The following SMAP1 variants were observed in gnomAD, a reference collection of about 807,000 sequenced individuals.
SMAP1 encodes small ArfGAP 1, also known as stromal membrane-associated protein 1.
A neutral mutation model predicts 58.5 loss-of-function variants in SMAP1; 24 were observed. That is an observed-to-expected ratio of 0.41 (90% CI 0.30 to 0.58). The LOEUF is 0.58. Ranked by LOEUF, SMAP1 falls within the 20% of genes least tolerant of loss-of-function variation. SMAP1 has a pLI of 0.29. For synonymous variants in SMAP1, 216 were observed against 196.6 expected (o/e 1.10, Z -0.82); for missense variants, 563 against 566.3 (o/e 0.99, Z 0.06).
intron 1 of SMAP1, among the ~76,000 whole-genome samples, chr6:70,729,483 G>A (rs1009763003): frequency 6.6e-6 from 1 of 150,824 alleles, no homozygotes; most frequent in African/African-American, 2.4e-5. Context: ...GTGTGTGTGT[G>A]TGTGTGTGTG....
chr6:70,830,897 T>A (rs1770331166), intron 6 of SMAP1, among the ~76,000 whole-genome samples: 1 of 152,250 alleles, frequency 6.6e-6, no homozygotes, highest in African/African-American at 2.4e-5. Context: ...ACAGGATTTT[T>A]AGCATGTACA....
At chr6:70,808,046 T>C (rs1769213251) in intron 6 of SMAP1, among the ~76,000 whole-genome samples, 1 of 152,122 alleles carries the variant, frequency 6.6e-6, no homozygotes, top group Admixed American at 6.6e-5. Context: ...ATATATTTAC[T>C]ATTCATTAAG....
chr6:70,800,109 C>T (rs367584440), intron 6 of SMAP1, among the ~76,000 whole-genome samples: 6 of 151,904 alleles, frequency 3.9e-5, no homozygotes, highest in South Asian at 2.1e-4. Flanking sequence ...AAATAAGGCA[C>T]GTGTTTTTTA....
In SMAP1 at chr6:70,717,366, A is replaced by G. The variant is rs557823934; in HGVS notation, c.119-15012A>G. ...CCAAGACACTCTTGCTCTTAGGGCT[A>G]GGTGATTTAGGAGCCAAATCCTCTA... is the stretch of plus-strand genomic sequence containing the variant. On this transcript the variant is annotated intron_variant, in intron 1 of 10. Coordinates refer to ENST00000370455, the MANE Select transcript of SMAP1 (RefSeq NM_001044305.3). 3.3e-5 allele frequency among the ~76,000 whole-genome samples: 5 copies of G among 152,334 alleles called. No homozygotes were observed. In the South Asian group the frequency reaches 1.0e-3, roughly 32 times the overall value.
intron 6 of SMAP1, among the ~76,000 whole-genome samples, chr6:70,817,464 A>G (rs751284306): frequency 2.0e-5 from 3 of 151,684 alleles, no homozygotes; most frequent in Non-Finnish European, 2.9e-5. Flanking sequence ...CTTTTCTGCA[A>G]GCTCTTATCC....
At chr6:70,689,974 C>A (rs1252145685) in intron 1 of SMAP1, among the ~76,000 whole-genome samples, 1 of 152,118 alleles carries the variant, frequency 6.6e-6, no homozygotes, top group African/African-American at 2.4e-5. Flanking sequence ...ATTAGGTCTC[C>A]TACCTAGACA....
At chr6:70,810,198 TTTC>T (rs1245834487) in intron 6 of SMAP1, among the ~76,000 whole-genome samples, 1 of 152,148 alleles carries the variant, frequency 6.6e-6, no homozygotes. Flanking sequence ...AGATAGGGTC[TTTC>T]TGTGGGGCTC....
At chr6:70,767,135 T>C (rs1767026149) in intron 3 of SMAP1, among the ~76,000 whole-genome samples, 1 of 152,108 alleles carries the variant, frequency 6.6e-6, no homozygotes, top group East Asian at 1.9e-4. Flanking sequence ...TACCATGCTG[T>C]TTTGGTTACT....
chr6:70,836,859 A>G, intron 6 of SMAP1, 82 bp from the exon 7 acceptor site: 2 of 1,120,342 alleles, frequency 1.8e-6, no homozygotes, highest in South Asian at 1.8e-5. Flanking sequence ...TAACTTTATC[A>G]GAACCCTGTA....
intron 1 of SMAP1, among the ~76,000 whole-genome samples, chr6:70,701,220 A>G (rs759465742): frequency 1.3e-5 from 2 of 152,192 alleles, no homozygotes; most frequent in East Asian, 1.9e-4. Flanking sequence ...AGCTGGGACT[A>G]TAGGCACACA....
intron 1 of SMAP1, among the ~76,000 whole-genome samples, chr6:70,711,802 C>T (rs531163677): frequency 9.2e-5 from 14 of 151,896 alleles, no homozygotes; most frequent in African/African-American, 1.9e-4. Flanking sequence ...TGCTGGGACC[C>T]GCACCTGGCC....
Position 70,860,657 on chromosome 6 carries a change from G to GTAGT in SMAP1, c.*326_*329dup, listed in dbSNP as rs1329310499. 9.6e-6 allele frequency: 4 copies of GTAGT among 418,440 alleles called. No individual in the cohort carries two copies. In the East Asian group the frequency reaches 1.4e-4, roughly 14 times the overall value. 25.9% of individuals were successfully genotyped at this position (418,440 alleles called of 1,614,324 possible). On this transcript the variant is annotated 3_prime_UTR_variant, in exon 11 of 11. Coordinates refer to ENST00000370455, the MANE Select transcript of SMAP1 (RefSeq NM_001044305.3). ...GCTCTAATGTTTGCATATAAGGGAA[G>GTAGT]TAGTTATCATGTTAGTAATACCTCT...
intron 2 of SMAP1, among the ~76,000 whole-genome samples, chr6:70,754,770 C>T (rs950236229): frequency 2.0e-5 from 3 of 151,926 alleles, no homozygotes; most frequent in Admixed American, 1.3e-4. Flanking sequence ...GATCAACATA[C>T]GTTGATAAAT....
intron 6 of SMAP1, among the ~76,000 whole-genome samples, chr6:70,802,561 A>G (rs2149957909): frequency 6.6e-6 from 1 of 152,298 alleles, no homozygotes; most frequent in South Asian, 2.1e-4. Context: ...GAGTGGTGAG[A>G]GAGGGCATCC....
At chr6:70,789,841 A>C (rs1204851682) in intron 4 of SMAP1, among the ~76,000 whole-genome samples, 1 of 151,778 alleles carries the variant, frequency 6.6e-6, no homozygotes, top group East Asian at 1.9e-4. Flanking sequence ...CCTGGGTGAC[A>C]GAGTGAGACC....
chr6:70,833,122 A>C (rs988536256), intron 6 of SMAP1, among the ~76,000 whole-genome samples: 2 of 152,206 alleles, frequency 1.3e-5, no homozygotes, highest in Admixed American at 6.5e-5. Context: ...TAAAAGATTA[A>C]GTATTTGTTA....
intron 1 of SMAP1, among the ~76,000 whole-genome samples, chr6:70,706,230 G>A (rs940749030): frequency 2.6e-5 from 4 of 151,942 alleles, no homozygotes; most frequent in African/African-American, 9.7e-5. Flanking sequence ...TTATTATTGG[G>A]GTTTATTGCT....
chr6:70,842,657 A>G (rs190372899), intron 7 of SMAP1, among the ~76,000 whole-genome samples: 2 of 152,332 alleles, frequency 1.3e-5, no homozygotes, highest in East Asian at 3.9e-4. Context: ...TGGCTTAAAC[A>G]TAAGGACATC....
intron 6 of SMAP1, among the ~76,000 whole-genome samples, chr6:70,827,122 G>T (rs1429206190): frequency 2.0e-5 from 3 of 152,068 alleles, no homozygotes; most frequent in Non-Finnish European, 4.4e-5. Flanking sequence ...CCAATTAATA[G>T]AATTGATGTC....
Sources: gnomAD v4.1 joint callset for allele counts (sites outside exome capture counted in the v4.1 genomes callset) on GRCh38, gnomAD v4.1.1 for gene constraint, MANE v1.5 for transcripts, NCBI Gene and HGNC (gene_info 2026-07-23, HGNC 2026-07-21) for gene names.